GRIP2: variants seen among roughly 807,000 people sequenced by gnomAD.
GRIP2 encodes the protein glutamate receptor-interacting protein 2.
In GRIP2, 58 loss-of-function variants were observed where a neutral mutation model predicts 108.3. The observed-to-expected ratio is 0.54, with a 90% CI of 0.43 to 0.67. The LOEUF (loss-of-function observed/expected upper bound fraction) is 0.67, where lower values mean the gene tolerates loss of function less well. Ranked by LOEUF, GRIP2 falls within the 30% of genes least tolerant of loss-of-function variation. The probability of loss-of-function intolerance (pLI) is 0.00; values close to 1 mark genes in which losing one functional copy is unlikely to be tolerated. For synonymous variants in GRIP2, 586 were observed against 598.2 expected (o/e 0.98, Z 0.30); for missense variants, 1,278 against 1,430.6 (o/e 0.89, Z 1.72).
chr3:14,508,268 G>A (rs902234580), intron 17 of GRIP2, among the ~76,000 whole-genome samples: 9 of 152,208 alleles, frequency 5.9e-5, no homozygotes, highest in African/African-American at 2.2e-4. Flanking sequence ...CACTGCTGTG[G>A]CCCAGTGGTT....
the GRIP2 span, among the ~76,000 whole-genome samples, chr3:14,567,132 A>G: frequency 2.0e-4 from 31 of 152,246 alleles, 1 homozygote; most frequent in East Asian, 4.8e-3. Context: ...GGAGCATTCA[A>G]TGATTCCCCT....
chr3:14,536,329 G>A (rs1694832796), intron 1 of GRIP2, among the ~76,000 whole-genome samples: 1 of 152,178 alleles, frequency 6.6e-6, no homozygotes, highest in Admixed American at 6.5e-5. Context: ...AGAAGCCACT[G>A]AGCTGGTGAG....
the GRIP2 span, among the ~76,000 whole-genome samples, chr3:14,565,658 T>G: frequency 6.6e-6 from 1 of 152,174 alleles, no homozygotes; most frequent in South Asian, 2.1e-4. Flanking sequence ...GGCCTTGGCA[T>G]CCTCAGTGTA....
intron 17 of GRIP2, among the ~76,000 whole-genome samples, chr3:14,508,885 C>T (rs992080451): frequency 6.6e-6 from 1 of 152,094 alleles, no homozygotes; most frequent in African/African-American, 2.4e-5. Flanking sequence ...AAATTTGTGG[C>T]TCAAATTATA....
chr3:14,572,005 T>C, the GRIP2 span, among the ~76,000 whole-genome samples: 1 of 152,212 alleles, frequency 6.6e-6, no homozygotes, highest in African/African-American at 2.4e-5. Flanking sequence ...ATAGTATCCA[T>C]TAAAATTTCA....
intron 1 of GRIP2, among the ~76,000 whole-genome samples, chr3:14,551,919 G>T (rs1695156348): frequency 1.3e-5 from 2 of 152,176 alleles, no homozygotes; most frequent in Non-Finnish European, 2.9e-5. Flanking sequence ...TGTTGCAAGG[G>T]TGAGAAAGTA....
the GRIP2 span, chr3:14,573,814 G>C: frequency 6.5e-7 from 1 of 1,543,648 alleles, no homozygotes; most frequent in Admixed American, 1.7e-5. Flanking sequence ...GCAAGCTCTG[G>C]GGCGCTGGAA....
At chr3:14,587,090 C>T in the GRIP2 span, among the ~76,000 whole-genome samples, 1 of 152,112 alleles carries the variant, frequency 6.6e-6, no homozygotes, top group Non-Finnish European at 1.5e-5. Context: ...CAATTACATG[C>T]TTAATCTGAG....
the GRIP2 span, chr3:14,573,628 G>A: frequency 2.8e-5 from 42 of 1,497,404 alleles, 2 homozygotes; most frequent in South Asian, 4.2e-4. Context: ...CAGCAGGGCC[G>A]TCCTGTGATG....
chr3:14,505,624 G>A lies in GRIP2; in HGVS notation c.2564C>T (p.Pro855Leu), dbSNP rs534745511. 87 of 1,609,952 alleles carry A rather than the reference G, an allele frequency of 5.4e-5. No individual in the cohort carries two copies. The East Asian group carries it at 7.2e-4, about 13-fold the overall frequency. ...PEEEEEDDWE[P>L]PTSPAPGPAR... The stretch of plus-strand genomic sequence containing the variant: ...TGCTCCCACCACAGACCTCGTTGGC[G>A]GCTCCCAATCATCCTCCTCCTCCTC... Residue 855 changes from proline (P) to leucine (L), a missense_variant, in exon 20 of 24, where the codon CCG (proline) becomes CTG (leucine). Coordinates refer to ENST00000621039, the MANE Select transcript of GRIP2 (RefSeq NM_001080423.4). This position sits in a 1 kb window ranked among gnomAD's most constrained non-coding sequence, Gnocchi z 4.2.
upstream of GRIP2, among the ~76,000 whole-genome samples, chr3:14,561,046 G>A (rs142066031): frequency 1.1e-3 from 163 of 152,344 alleles, no homozygotes; most frequent in African/African-American, 3.7e-3. Context: ...TGGAAGATCA[G>A]GAAGACAGCA....
the GRIP2 span, among the ~76,000 whole-genome samples, chr3:14,581,853 G>A: frequency 1.1e-4 from 16 of 152,330 alleles, no homozygotes; most frequent in Non-Finnish European, 2.9e-5. Context: ...TCTTGGAAAG[G>A]CGTGAGAAGG....
chr3:14,548,124 T>C (rs1695084873), intron 1 of GRIP2, among the ~76,000 whole-genome samples: 1 of 151,216 alleles, frequency 6.6e-6, no homozygotes, highest in Admixed American at 6.6e-5. Flanking sequence ...CACTCAAAGG[T>C]GAGGTAGGCA....
At chr3:14,542,163 T>G (rs1446472811), upstream of GRIP2, 4 of 877,172 alleles carry the variant, frequency 4.6e-6, no homozygotes, top group Non-Finnish European at 6.2e-6. Flanking sequence ...ATTTTTTTTA[T>G]TTTTTTTTGT....
Position 14,513,819 on chromosome 3 carries a change from A to T in GRIP2, c.1494-9T>A. On this transcript the variant is annotated splice_polypyrimidine_tract_variant and intron_variant, in intron 12 of 23. Coordinates refer to ENST00000621039, the MANE Select transcript of GRIP2 (RefSeq NM_001080423.4). ...CCTGCAGCAGCCCACACCTGAACCC[A>T]GGGGGCCCGGCAGAGAGAAGAGGCT... 3 of 1,611,286 alleles carry T rather than the reference A, an allele frequency of 1.9e-6. No individual in the cohort carries two copies. The highest frequency in any genetic ancestry group is 2.5e-6 in the Non-Finnish European group (3 of 1,178,616).
In GRIP2 at chr3:14,529,382, ATTTATT is replaced by A. The variant is rs202202137; in HGVS notation, c.41-3457_41-3452del. On this transcript the variant is annotated intron_variant, in intron 1 of 23. Transcript: ENST00000621039. ...ATTAACACTTTGCAGTATTTAGCCCATTTATTTTTATCTATGCTGAAATATTTTAAA... is the reference window on the plus strand; with the variant it reads ...ATTAACACTTTGCAGTATTTAGCCCATTTATCTATGCTGAAATATTTTAAA... 8.5e-5 allele frequency among the ~76,000 whole-genome samples: 13 copies of A among 152,186 alleles called. No individual in the cohort carries two copies. In the East Asian group the frequency reaches 2.3e-3, roughly 27 times the overall value.
the GRIP2 span, among the ~76,000 whole-genome samples, chr3:14,598,566 C>A: frequency 6.6e-6 from 1 of 152,046 alleles, no homozygotes; most frequent in Non-Finnish European, 1.5e-5. Context: ...GATGCCACTC[C>A]CTACTACCAT....
rs76297408 is a variant in GRIP2 at position 14,548,125 on chromosome 3, G to A, written c.55+7775C>T. Among the ~76,000 whole-genome samples, 1,163 of 152,304 alleles carry A rather than the reference G, an allele frequency of 7.6e-3. 34 individuals carry two copies. In the East Asian group the frequency reaches 0.082, roughly 11 times the overall value. On this transcript the variant is annotated intron_variant, in intron 1 of 23. Transcript: ENST00000637182. Reference sequence around the variant, plus strand: ...ACAAAGAAACTCAACACTCAAAGGTGAGGTAGGCAGGGATTTCCAGGGAGA... The same window carrying A: ...ACAAAGAAACTCAACACTCAAAGGTAAGGTAGGCAGGGATTTCCAGGGAGA...
rs149043850 is a variant in GRIP2, at chr3:14,518,553, C to A, written c.1031-656G>T. Among the ~76,000 whole-genome samples, 253 of 152,260 alleles carry A rather than the reference C, an allele frequency of 1.7e-3. 1 individual carries two copies. Among genetic ancestry groups the A allele is most frequent in the African/African-American group, 5.8e-3 (240 of 41,552 alleles). On this transcript the variant is annotated intron_variant, in intron 9 of 23. Transcript: ENST00000621039. ...CCCAGGGAACCCCCACTGCCCCGAC[C>A]CCCTAGGAGACCCTGCTTCCTCCAT...
Sources: gnomAD v4.1 joint callset for allele counts (sites outside exome capture counted in the v4.1 genomes callset) on GRCh38, gnomAD v4.1.1 for gene constraint, Gnocchi (gnomAD v3.1) non-coding constraint, MANE v1.5 for transcripts, NCBI Gene and HGNC (gene_info 2026-07-23, HGNC 2026-07-21) for gene names.